The following WDR19 variants were observed in gnomAD, a reference collection of about 807,000 sequenced individuals.
The protein encoded by WDR19 is WD repeat-containing protein 19.
WDR19 carries 121 observed loss-of-function variants against 180.0 expected under a neutral mutation model. The ratio of observed to expected loss-of-function variants is 0.67; its 90% CI spans 0.58 to 0.78. The LOEUF (loss-of-function observed/expected upper bound fraction) is 0.78. Ranked by LOEUF, WDR19 falls within the 30% of genes least tolerant of loss-of-function variation. The pLI is 0.00. For missense variants in WDR19, 1,450 were observed against 1,640.7 expected, an observed-to-expected ratio of 0.88 and a Z score of 2.01; for synonymous variants, 497 against 540.7, an observed-to-expected ratio of 0.92 and a Z score of 1.12.
intron 9 of WDR19, among the ~76,000 whole-genome samples, chr4:39,214,367 G>A (rs913632386): frequency 6.6e-6 from 1 of 151,772 alleles, no homozygotes; most frequent in Non-Finnish European, 1.5e-5. Context: ...AACCCTACCC[G>A]CCCCCCATCT....
intron 20 of WDR19, among the ~76,000 whole-genome samples, chr4:39,239,759 T>C (rs1294646171): frequency 6.6e-6 from 1 of 152,216 alleles, no homozygotes; most frequent in Admixed American, 6.5e-5. Context: ...TAATAATTAC[T>C]TTTAAAATAG....
intron 1 of WDR19, among the ~76,000 whole-genome samples, chr4:39,184,339 G>A (rs1460966894): frequency 6.6e-6 from 1 of 151,940 alleles, no homozygotes; most frequent in Non-Finnish European, 1.5e-5. Flanking sequence ...GAACCCAGGA[G>A]GCGGAGGTTG....
At chr4:39,206,495 T>C (rs1306190216) in intron 9 of WDR19, among the ~76,000 whole-genome samples, 2 of 152,114 alleles carry the variant, frequency 1.3e-5, no homozygotes, top group African/African-American at 4.8e-5. Context: ...TCACAAGTGC[T>C]CATACAGTGT....
chr4:39,204,084 TTTTG>T (rs1378663017), intron 7 of WDR19, among the ~76,000 whole-genome samples: 1 of 151,954 alleles, frequency 6.6e-6, no homozygotes, highest in Non-Finnish European at 1.5e-5. Context: ...GCTTGTTTTT[TTTTG>T]TTTGTTTTTT....
At chr4:39,265,306 C>T (rs1486508565) in intron 28 of WDR19, among the ~76,000 whole-genome samples, 1 of 151,928 alleles carries the variant, frequency 6.6e-6, no homozygotes, top group East Asian at 1.9e-4. Context: ...TGTCCAGGCT[C>T]CCCTGGCTGG....
chr4:39,196,328 C>G (rs1011984412), intron 5 of WDR19, among the ~76,000 whole-genome samples: 4 of 152,226 alleles, frequency 2.6e-5, no homozygotes, highest in Non-Finnish European at 5.9e-5. Flanking sequence ...AACGCTTACT[C>G]AACATCTTCA....
At chr4:39,228,085 G>T in intron 15 of WDR19, 125 bp from the exon 16 acceptor site, 1 of 921,396 alleles carries the variant, frequency 1.1e-6, no homozygotes. Context: ...TGTTGTTGGA[G>T]TGATGTTAGG....
Position 39,189,689 on chromosome 4 carries a change from A to G in WDR19, c.198A>G (p.Gly66=), listed in dbSNP as rs749815295. ...TTGCCATGGATTGGGATAAAGATGG[A>G]GATGTCCTAGCAGTGATTGCTGAGA... ...NCVAMDWDKD[G]DVLAVIAEKS... is the part of the protein sequence containing the mutation. The change falls in exon 4 of 37, where the codon GGA becomes GGG. Residue 66 remains glycine, a synonymous_variant. Transcript: ENST00000399820. The G allele has an allele frequency of 2.5e-6, 4 of 1,608,768 alleles. No homozygotes were observed. In the East Asian group the frequency reaches 6.7e-5, roughly 27 times the overall value.
Position 39,255,099 on chromosome 4 carries a change from G to T in WDR19, c.3002-749G>T, listed in dbSNP as rs1213623938. The stretch of plus-strand genomic sequence containing the variant: ...AAAAAAAGAAAAGGAGTACAGATAG[G>T]CAACTTTAGAATTGCCAATGTTTAA... On this transcript the variant is annotated intron_variant, in intron 26 of 36. Coordinates refer to ENST00000399820, the MANE Select transcript of WDR19 (RefSeq NM_025132.4). 3.3e-5 allele frequency among the ~76,000 whole-genome samples: 5 copies of T among 152,114 alleles called. No homozygotes were observed. The East Asian group carries it at 7.7e-4, about 23-fold the overall frequency.
Position 39,244,565 on chromosome 4 carries a change from T to C in WDR19, c.2645+13T>C. The C allele has an allele frequency of 1.2e-6, 2 of 1,613,906 alleles. No individual in the cohort carries two copies. The highest frequency in any genetic ancestry group is 1.7e-6 in the Non-Finnish European group (2 of 1,179,804). On this transcript the variant is annotated intron_variant, in intron 23 of 36. Coordinates refer to ENST00000399820, the MANE Select transcript of WDR19 (RefSeq NM_025132.4). ...GCTCTAAGAATTGGTAAGAGCTGCC[T>C]GCGGTTTGTTTCTGAACAGGATTGG... is the stretch of plus-strand genomic sequence containing the variant.
At chr4:39,246,558 C>T (rs193108685) in intron 24 of WDR19, among the ~76,000 whole-genome samples, 7 of 152,304 alleles carry the variant, frequency 4.6e-5, no homozygotes, top group Non-Finnish European at 8.8e-5. Flanking sequence ...TGCAAGGCAT[C>T]GCCTCACCCG....
chr4:39,194,544 G>T lies in WDR19; in HGVS notation c.291G>T (p.Arg97Ser). The change falls in exon 5 of 37, where the codon AGG (arginine) becomes AGT (serine). Residue 97 changes from arginine (R) to serine (S), a missense_variant and splice_region_variant. Transcript: ENST00000399820. The part of the protein sequence containing the change: ...NKTSQLDNGM[R>S]DQMSFLLWSK... ...AGTAATTTATATCTTAATGTTACAG[G>T]GATCAAATGTCTTTCCTTCTTTGGT... 6.3e-7 allele frequency: 1 copy of T among 1,599,326 alleles called. No individual in the cohort carries two copies. The highest frequency in any genetic ancestry group is 8.6e-7 in the Non-Finnish European group (1 of 1,168,598).
Position 39,268,058 on chromosome 4 carries a change from G to T in WDR19, c.3325G>T (p.Ala1109Ser). The change falls in exon 30 of 37, where the codon GCC becomes TCC. Residue 1109 changes from alanine to serine, a missense_variant. By Grantham distance (99) the Ala-to-Ser change is moderately conservative. Transcript: ENST00000399820. ...LKQYREAAQT[A>S]IIIAREEQSA... ...GCAATACCGAGAAGCTGCCCAGACT[G>T]CCATCATCATTGCCAGAGAAGAGCA... The T allele has an allele frequency of 6.2e-7, 1 of 1,600,780 alleles. No individual in the cohort carries two copies.
chr4:39,282,858 A>G (rs1578075735), intron 36 of WDR19, among the ~76,000 whole-genome samples: 3 of 152,356 alleles, frequency 2.0e-5, no homozygotes, highest in Middle Eastern at 6.8e-3. Context: ...CTTGCATCCT[A>G]TAACCTTTCT....
intron 7 of WDR19, among the ~76,000 whole-genome samples, chr4:39,204,858 C>A (rs1577871390): frequency 6.6e-6 from 1 of 152,144 alleles, no homozygotes; most frequent in Non-Finnish European, 1.5e-5. Context: ...GTCAGACTTA[C>A]AATCCTGTAG....
chr4:39,218,163 T>A (rs1165923677), intron 14 of WDR19, 58 bp downstream of exon 14: 25 of 1,545,394 alleles, frequency 1.6e-5, no homozygotes, highest in Non-Finnish European at 1.5e-5. Flanking sequence ...TATTTTGTGA[T>A]CTCAGTCATT....
intron 17 of WDR19, among the ~76,000 whole-genome samples, chr4:39,231,359 T>G (rs6853874): frequency 6.6e-6 from 1 of 151,184 alleles, no homozygotes; most frequent in Non-Finnish European, 1.5e-5. Flanking sequence ...TCAGTGACTT[T>G]GTTCCACTCA....
intron 3 of WDR19, 55 bp downstream of exon 3, chr4:39,186,659 TA>T (rs998774850): frequency 7.5e-6 from 9 of 1,201,452 alleles, no homozygotes; most frequent in Admixed American, 5.5e-5. Flanking sequence ...CCTAAAAGAT[TA>T]AAAAAATACT....
intron 24 of WDR19, among the ~76,000 whole-genome samples, chr4:39,247,991 G>T (rs965187725): frequency 1.2e-4 from 19 of 152,134 alleles, no homozygotes; most frequent in Admixed American, 6.5e-4. Context: ...TCAAATTCAG[G>T]AAATACAGAG....
Sources: gnomAD v4.1 joint callset for allele counts (sites outside exome capture counted in the v4.1 genomes callset) on GRCh38, gnomAD v4.1.1 for gene constraint, MANE v1.5 for transcripts, NCBI Gene and HGNC (gene_info 2026-07-23, HGNC 2026-07-21) for gene names.